COG1: variants seen among roughly 807,000 people sequenced by gnomAD.
COG1 encodes component of oligomeric golgi complex 1, also known as conserved oligomeric Golgi complex subunit 1.
COG1 carries 61 observed loss-of-function variants against 102.2 expected under a neutral mutation model. The observed-to-expected ratio is 0.60, with a 90% CI of 0.49 to 0.74. The LOEUF (loss-of-function observed/expected upper bound fraction) is 0.74, where lower values mean the gene tolerates loss of function less well. COG1 is among the 30% of genes least tolerant of loss of function. The pLI is 0.00. For synonymous variants in COG1, 454 were observed against 493.6 expected (o/e 0.92, Z 1.06); for missense variants, 1,164 against 1,232.1 (o/e 0.94, Z 0.83).
intron 7 of COG1, among the ~76,000 whole-genome samples, chr17:73,202,785 CA>C (rs1276849142): frequency 1.3e-5 from 2 of 149,674 alleles, no homozygotes; most frequent in African/African-American, 4.9e-5. Context: ...GACCCTGTCT[CA>C]AAAAAAAAGA....
Position 73,203,780 on chromosome 17 carries a change from AAAAACAGATT to A in COG1, c.2372_2381del (p.Lys791ArgfsTer27). On this transcript the variant is annotated frameshift_variant, in exon 9 of 14. Transcript: ENST00000299886. LOFTEE classifies it high-confidence loss of function. ...GCTGCCTATGAGAAACTCTCCGAAG[AAAAACAGATT>A]AAGGTAGGTGTCTGAATGTTTGCCC... is the stretch of plus-strand genomic sequence containing the variant. The A allele has an allele frequency of 1.9e-6, 3 of 1,614,232 alleles. No homozygotes were observed. The highest frequency in any genetic ancestry group is 2.5e-6 in the Non-Finnish European group (3 of 1,180,018).
Position 73,197,264 on chromosome 17 carries a change from T to G in COG1, c.781T>G (p.Leu261Val). The stretch of plus-strand genomic sequence containing the variant: ...GGCTCAGATTTGCTCATTAGTGGAG[T>G]TGCTGGCCACCACTCTGAAGCAAGC... Reference protein sequence around the residue: ...IKAQICSLVELLATTLKQAHA... With the variant: ...IKAQICSLVEVLATTLKQAHA... The change falls in exon 4 of 14, where the codon TTG (leucine) becomes GTG (valine). Residue 261 changes from leucine to valine, a missense_variant. Transcript: ENST00000299886. The G allele has an allele frequency of 6.2e-7, 1 of 1,614,170 alleles. No homozygotes were observed. The highest frequency in any genetic ancestry group is 8.5e-7 in the Non-Finnish European group (1 of 1,180,034).
Position 73,193,287 on chromosome 17 carries a change from C to A in COG1, c.218C>A (p.Ala73Asp). 1.2e-6 allele frequency: 2 copies of A among 1,600,504 alleles called. No homozygotes were observed. Among genetic ancestry groups the A allele is most frequent in the South Asian group, 2.2e-5 (2 of 89,040 alleles). ...ACCATCGGCCAGATGCGCCGCTGCG[C>A]CGTGGGGCTAGTGGACGCCGTGAAG... Reference protein sequence around the residue: ...ADTIGQMRRCAVGLVDAVKAT... With the variant: ...ADTIGQMRRCDVGLVDAVKAT... Residue 73 changes from alanine to aspartate, a missense_variant, in exon 1 of 14, where the codon GCC (alanine) becomes GAC (aspartate). Coordinates refer to ENST00000299886, the MANE Select transcript of COG1 (RefSeq NM_018714.3).
chr17:73,204,360 C>G (rs564342832), intron 9 of COG1, among the ~76,000 whole-genome samples: 34 of 152,212 alleles, frequency 2.2e-4, no homozygotes, highest in African/African-American at 7.0e-4. Flanking sequence ...AAAAGGCAGA[C>G]AGCCCCCGGC....
Position 73,201,421 on chromosome 17 carries a change from C to A in COG1, c.1594C>A (p.Leu532Ile). The change falls in exon 7 of 14, where the codon CTC becomes ATC. Residue 532 changes from leucine to isoleucine, a missense_variant. Coordinates refer to ENST00000299886, the MANE Select transcript of COG1 (RefSeq NM_018714.3). ...TAAGCTGAAGGTTAAACTAGATGAC[C>A]TCCTGGCTTACCTCCCCTCTGATGA... ...DSKLKVKLDD[L>I]LAYLPSDDSS... is the part of the protein sequence containing the mutation. 1 of 1,614,242 alleles carries A rather than the reference C, an allele frequency of 6.2e-7. No homozygotes were observed. The highest frequency in any genetic ancestry group is 8.5e-7 in the Non-Finnish European group (1 of 1,180,038).
intron 9 of COG1, 73 bp downstream of exon 9, chr17:73,203,866 G>C (rs968714776): frequency 1.3e-5 from 20 of 1,551,928 alleles, no homozygotes; most frequent in Non-Finnish European, 1.8e-5. Context: ...TCTTGGGTTT[G>C]AGCAGTTCAC....
At chr17:73,205,220 G>A (rs74489305) in intron 9 of COG1, 26 of 316,742 alleles carry the variant, frequency 8.2e-5, no homozygotes, top group African/African-American at 5.6e-4. Context: ...CCTGATTTTG[G>A]AAAGAATTCA....
chr17:73,201,406 G>A lies in COG1; in HGVS notation c.1579G>A (p.Val527Ile), dbSNP rs765613278. The change falls in exon 7 of 14, where the codon GTT becomes ATT. Residue 527 changes from valine to isoleucine, a missense_variant. Physicochemically the swap from Val to Ile is conservative, Grantham distance 29 (BLOSUM62 3). Transcript: ENST00000299886. ...TTCTGCCCTGGATTCTAAGCTGAAG[G>A]TTAAACTAGATGACCTCCTGGCTTA... ...FCSALDSKLK[V>I]KLDDLLAYLP... The A allele has an allele frequency of 2.5e-5, 40 of 1,614,092 alleles. No individual in the cohort carries two copies. Among genetic ancestry groups the A allele is most frequent in the Non-Finnish European group, 3.1e-5 (37 of 1,180,044 alleles).
intron 4 of COG1, among the ~76,000 whole-genome samples, chr17:73,198,619 C>G (rs887816816): frequency 1.3e-5 from 2 of 152,074 alleles, no homozygotes; most frequent in African/African-American, 4.8e-5. Flanking sequence ...GTTGCATTGG[C>G]GATGGCTGAG....
intron 9 of COG1, 38 bp from the exon 10 acceptor site, chr17:73,205,515 T>C: frequency 1.2e-6 from 2 of 1,612,866 alleles, no homozygotes; most frequent in Non-Finnish European, 1.7e-6. Context: ...TACCAAGTCC[T>C]CTCTCTTCAT....
Position 73,207,201 on chromosome 17 carries a change from G to T in COG1, c.2750G>T (p.Ser917Ile). 2 of 1,613,388 alleles carry T rather than the reference G, an allele frequency of 1.2e-6. No individual in the cohort carries two copies. The highest frequency in any genetic ancestry group is 1.7e-6 in the Non-Finnish European group (2 of 1,179,928). Reference protein sequence around the residue: ...SQIRFGLLPLSMTSTRKAKST... With the variant: ...SQIRFGLLPLIMTSTRKAKST... ...TGGAGGTTTGGACTTCTCCCACTGA[G>T]CATGACAAGCACTCGAAAGGCTAAA... is the stretch of plus-strand genomic sequence containing the variant. The change falls in exon 13 of 14, where the codon AGC becomes ATC. Residue 917 changes from serine (S) to isoleucine (I), a missense_variant. Transcript: ENST00000299886.
chr17:73,195,444 C>T (rs1004039240), intron 1 of COG1, among the ~76,000 whole-genome samples: 12 of 152,030 alleles, frequency 7.9e-5, no homozygotes, highest in Non-Finnish European at 1.8e-4. Context: ...GAAACACCAT[C>T]TCTACAAAAA....
rs1445374308 is a variant in COG1, at chr17:73,203,075, G to A, written c.2149G>A (p.Asp717Asn). The A allele has an allele frequency of 2.5e-6, 4 of 1,614,064 alleles. No homozygotes were observed. Among genetic ancestry groups the A allele is most frequent in the Middle Eastern group, 1.6e-4 (1 of 6,084 alleles). Reference protein sequence around the residue: ...GSVLATATSWDELEIQEEAES... With the variant: ...GSVLATATSWNELEIQEEAES... ...AGTTCTGGCCACAGCCACCAGCTGG[G>A]ATGAGCTAGAAATTCAGGAGGAGGC... is the stretch of plus-strand genomic sequence containing the variant. Residue 717 changes from aspartate (D) to asparagine (N), a missense_variant, in exon 8 of 14, where the codon GAT (aspartate) becomes AAT (asparagine). Coordinates refer to ENST00000299886, the MANE Select transcript of COG1 (RefSeq NM_018714.3).
chr17:73,200,977 C>T (rs2061344525), intron 6 of COG1, 132 bp from the exon 7 acceptor site: 1 of 956,924 alleles, frequency 1.0e-6, no homozygotes, highest in Non-Finnish European at 1.6e-6. Flanking sequence ...GCTTTATTCT[C>T]TGCCAACACC....
Position 73,197,045 on chromosome 17 carries a change from G to T in COG1, c.706G>T (p.Ala236Ser). 1 of 1,614,154 alleles carries T rather than the reference G, an allele frequency of 6.2e-7. No homozygotes were observed. Among genetic ancestry groups the T allele is most frequent in the Non-Finnish European group, 8.5e-7 (1 of 1,180,030 alleles). Residue 236 changes from alanine (A) to serine (S), a missense_variant, in exon 3 of 14, where the codon GCA (alanine) becomes TCA (serine). Physicochemically the swap from Ala to Ser is moderately conservative, Grantham distance 99 (BLOSUM62 1). Coordinates refer to ENST00000299886, the MANE Select transcript of COG1 (RefSeq NM_018714.3). ...ALTDFLLARK[A>S]TIQKLLNQPH... ...CACAGACTTCCTGCTGGCCAGAAAG[G>T]CAACTATTCAGAAACTTCTCAACCA... is the stretch of plus-strand genomic sequence containing the variant.
At chr17:73,203,175 G>C in intron 8 of COG1, 29 bp downstream of exon 8, 2 of 1,613,246 alleles carry the variant, frequency 1.2e-6, no homozygotes, top group Non-Finnish European at 1.7e-6. Context: ...CTGAAAAAGG[G>C]AATAAACTGC....
chr17:73,200,862 C>A, intron 6 of COG1, 86 bp downstream of exon 6: 1 of 1,233,338 alleles, frequency 8.1e-7, no homozygotes, highest in Non-Finnish European at 1.2e-6. Context: ...TGTCGCTTCC[C>A]AAGTATATTC....
In COG1 at chr17:73,193,197, A is replaced by G; in HGVS notation, c.128A>G (p.His43Arg). ...CGCCAGGTTCGGGCCGAGATCGAGCACAAGAAGGAGGAGCTGCGGCAGATG... is the reference window on the plus strand; with the variant it reads ...CGCCAGGTTCGGGCCGAGATCGAGCGCAAGAAGGAGGAGCTGCGGCAGATG... Reference protein sequence around the residue: ...LERQVRAEIEHKKEELRQMVG... With the variant: ...LERQVRAEIERKKEELRQMVG... The change falls in exon 1 of 14, where the codon CAC (histidine) becomes CGC (arginine). Residue 43 changes from histidine (H) to arginine (R), a missense_variant. Transcript: ENST00000299886. 1 of 1,608,688 alleles carries G rather than the reference A, an allele frequency of 6.2e-7. No homozygotes were observed. Among genetic ancestry groups the G allele is most frequent in the Non-Finnish European group, 8.5e-7 (1 of 1,178,068 alleles).
chr17:73,201,513 T>C lies in COG1; in HGVS notation c.1686T>C (p.Asp562=). ...AKSSAFDRYA[D]AGTVQEMLRT... is the part of the protein sequence containing the mutation. ...GTTCTGCCTTTGACAGATACGCAGATGCGGGGACCGTGCAGGAGATGCTGC... is the reference window on the plus strand; with the variant it reads ...GTTCTGCCTTTGACAGATACGCAGACGCGGGGACCGTGCAGGAGATGCTGC... Residue 562 remains aspartate, a synonymous_variant, in exon 7 of 14, where the codon GAT becomes GAC. Coordinates refer to ENST00000299886, the MANE Select transcript of COG1 (RefSeq NM_018714.3). 6.2e-7 allele frequency: 1 copy of C among 1,614,228 alleles called. No homozygotes were observed. Among genetic ancestry groups the C allele is most frequent in the Non-Finnish European group, 8.5e-7 (1 of 1,180,042 alleles).
Sources: allele counts gnomAD v4.1 joint callset (sites outside exome capture counted in the v4.1 genomes callset), GRCh38; gene constraint gnomAD v4.1.1; transcripts MANE v1.5; gene names NCBI Gene and HGNC (gene_info 2026-07-23, HGNC 2026-07-21).